UNC13B: variants seen among roughly 807,000 people sequenced by gnomAD.
UNC13B encodes protein unc-13 homolog B.
Under a neutral mutation model 211.0 loss-of-function variants are expected in UNC13B, and 144 were observed. The ratio of observed to expected loss-of-function variants is 0.68; its 90% confidence interval spans 0.60 to 0.78. The LOEUF (loss-of-function observed/expected upper bound fraction) is 0.78, where lower values mean the gene tolerates loss of function less well. Among genes scored for constraint, UNC13B ranks in the 30% least tolerant of loss-of-function variants. UNC13B has a pLI of 0.00. For synonymous variants in UNC13B, 709 were observed against 725.8 expected (o/e 0.98, Z 0.37); for missense variants, 1,777 against 2,002.0 (o/e 0.89, Z 2.14).
intron 11 of UNC13B, among the ~76,000 whole-genome samples, chr9:35,334,084 G>A (rs1831518419): frequency 6.6e-6 from 1 of 151,898 alleles, no homozygotes; most frequent in Admixed American, 6.6e-5. Context: ...TCCTGCCTCA[G>A]CCTCCCAAGT....
At chr9:35,338,365 G>A (rs1325184899) in intron 11 of UNC13B, among the ~76,000 whole-genome samples, 1 of 152,044 alleles carries the variant, frequency 6.6e-6, no homozygotes, top group Non-Finnish European at 1.5e-5. Context: ...GCAGCTTGTC[G>A]GGTCTGTTTA....
chr9:35,312,006 A>G (rs1830203408), intron 10 of UNC13B, among the ~76,000 whole-genome samples: 1 of 152,156 alleles, frequency 6.6e-6, no homozygotes, highest in African/African-American at 2.4e-5. Context: ...TGTTGTGTAT[A>G]TTATAGGATG....
chr9:35,387,909 C>T (rs1379923411), intron 24 of UNC13B, among the ~76,000 whole-genome samples: 5 of 151,774 alleles, frequency 3.3e-5, no homozygotes, highest in African/African-American at 1.2e-4. Flanking sequence ...TTTTCTGATA[C>T]ATCTACACCA....
At chr9:35,242,688 T>G (rs753654121) in intron 5 of UNC13B, among the ~76,000 whole-genome samples, 1 of 152,204 alleles carries the variant, frequency 6.6e-6, no homozygotes, top group Non-Finnish European at 1.5e-5. Flanking sequence ...CTTTCATCCA[T>G]TAGTGGACAC....
intron 14 of UNC13B, 119 bp downstream of exon 14, chr9:35,375,320 G>C: frequency 2.8e-6 from 3 of 1,066,700 alleles, no homozygotes; most frequent in Non-Finnish European, 4.3e-6. Context: ...ACACATTGCT[G>C]ATGAAAAAGA....
At chr9:35,250,263 C>A (rs1826381297) in intron 6 of UNC13B, among the ~76,000 whole-genome samples, 1 of 152,166 alleles carries the variant, frequency 6.6e-6, no homozygotes, top group South Asian at 2.1e-4. Flanking sequence ...ATGGATATCA[C>A]CACAATTTTG....
Position 35,306,139 on chromosome 9 carries a change from C to T in UNC13B, c.6735C>T (p.Pro2245=), listed in dbSNP as rs190998033. The change falls in exon 9 of 40, where the codon CCC becomes CCT. Residue 2245 remains proline, a synonymous_variant. Coordinates refer to ENST00000635942, the MANE Select transcript of UNC13B (RefSeq NM_001371189.2). ...ISTVVPVTSQ[P]CKKTNVFVES... ...CTGTTGTTCCAGTGACCTCCCAGCC[C>T]TGTAAGAAGACAAATGTTTTTGTAG... 72 of 399,018 alleles carry T rather than the reference C, an allele frequency of 1.8e-4. No homozygotes were observed. Among genetic ancestry groups the T allele is most frequent in the Admixed American group, 7.0e-4 (16 of 22,724 alleles). The allele number at this position is 399,018 out of a possible 1,614,324, so 24.7% of individuals were successfully genotyped here.
intron 36 of UNC13B, 38 bp from the exon 37 acceptor site, chr9:35,400,257 AG>A: frequency 6.2e-7 from 1 of 1,604,842 alleles, no homozygotes; most frequent in Non-Finnish European, 8.5e-7. Context: ...GCTTTCTGTA[AG>A]GGGATGAAGC....
At chr9:35,296,320 T>C (rs1829358274) in intron 8 of UNC13B, among the ~76,000 whole-genome samples, 1 of 152,250 alleles carries the variant, frequency 6.6e-6, no homozygotes, top group South Asian at 2.1e-4. Flanking sequence ...CTGGGAACTT[T>C]AGAAGAAAAC....
In UNC13B at chr9:35,281,409, C is replaced by CAA. The variant is rs1286695035; in HGVS notation, c.527-14274_527-14273dup. Among the ~76,000 whole-genome samples the CAA allele has an allele frequency of 7.2e-4, 64 of 89,480 alleles. 1 individual carries two copies. The highest frequency in any genetic ancestry group is 1.8e-3 in the African/African-American group (47 of 25,782). 58.7% of individuals were successfully genotyped at this position (89,480 alleles called of 152,430 possible). Reference sequence around the variant, plus strand: ...CGAGCCTGGGAGTGAGAGACTGTCTCAAAAAAAAAAAAAAGAGAGAGAGAG... The same window carrying CAA: ...CGAGCCTGGGAGTGAGAGACTGTCTCAAAAAAAAAAAAAAAAGAGAGAGAGAG... On this transcript the variant is annotated intron_variant, in intron 7 of 39. Transcript: ENST00000635942.
intron 7 of UNC13B, among the ~76,000 whole-genome samples, chr9:35,263,747 G>A (rs1827410164): frequency 6.6e-6 from 1 of 152,114 alleles, no homozygotes; most frequent in Non-Finnish European, 1.5e-5. Flanking sequence ...GGTGATAAAG[G>A]TTAAGTGAGG....
chr9:35,289,724 C>T (rs190619675), intron 7 of UNC13B, among the ~76,000 whole-genome samples: 51 of 152,256 alleles, frequency 3.3e-4, no homozygotes, highest in African/African-American at 1.2e-3. Flanking sequence ...CTCCTGTAAT[C>T]CCAGCACTTT....
At chr9:35,184,335 G>A (rs574863687) in intron 1 of UNC13B, among the ~76,000 whole-genome samples, 1 of 152,228 alleles carries the variant, frequency 6.6e-6, no homozygotes, top group Non-Finnish European at 1.5e-5. Context: ...TGTAATCTTA[G>A]CACTTTGGGA....
Position 35,377,530 on chromosome 9 carries a change from A to G in UNC13B, c.9898A>G (p.Met3300Val), listed in dbSNP as rs767951381. Residue 3300 changes from methionine (M) to valine (V), a missense_variant, in exon 16 of 40, where the codon ATG becomes GTG. Transcript: ENST00000635942. The part of the protein sequence containing the change: ...EDRTQNIIMA[M>V]KDRMKIRERN... ...CCGGACCCAGAACATTATCATGGCC[A>G]TGAAGGACCGCATGAAGATCCGAGA... 3.1e-6 allele frequency: 5 copies of G among 1,614,132 alleles called. No individual in the cohort carries two copies. The highest frequency in any genetic ancestry group is 2.2e-5 in the East Asian group (1 of 44,902).
intron 11 of UNC13B, among the ~76,000 whole-genome samples, chr9:35,350,635 A>G (rs1832661836): frequency 6.6e-6 from 1 of 152,170 alleles, no homozygotes; most frequent in Non-Finnish European, 1.5e-5. Flanking sequence ...TGCCTCTCTC[A>G]TGCTAAATGC....
intron 7 of UNC13B, among the ~76,000 whole-genome samples, chr9:35,289,004 G>GT (rs5897598): frequency 5.4e-5 from 8 of 149,204 alleles, no homozygotes; most frequent in African/African-American, 2.0e-4. Context: ...CTACAGGAGG[G>GT]TTTTTTTTTT....
chr9:35,362,040 C>G (rs1471324484), intron 11 of UNC13B: 2 of 151,990 alleles, frequency 1.3e-5, no homozygotes, highest in Admixed American at 1.3e-4. Flanking sequence ...TGCAATTAAG[C>G]AAAGAAAAAA....
chr9:35,260,131 G>A (rs1298718276), intron 7 of UNC13B, among the ~76,000 whole-genome samples: 1 of 149,864 alleles, frequency 6.7e-6, no homozygotes, highest in African/African-American at 2.5e-5. Context: ...GATGGCTTGA[G>A]CCTGGGAAAT....
At chr9:35,189,004 G>A (rs564698403) in intron 1 of UNC13B, among the ~76,000 whole-genome samples, 105 of 152,288 alleles carry the variant, frequency 6.9e-4, no homozygotes, top group Non-Finnish European at 1.3e-3. Context: ...TGAGAAGACC[G>A]TATAATGCCC....
Sources: gnomAD v4.1 joint callset for allele counts (sites outside exome capture counted in the v4.1 genomes callset) on GRCh38, gnomAD v4.1.1 for gene constraint, MANE v1.5 for transcripts, NCBI Gene and HGNC (gene_info 2026-07-23, HGNC 2026-07-21) for gene names.